RYR2: variants seen among roughly 807,000 people sequenced by gnomAD.
RYR2 encodes the protein cardiac muscle ryanodine receptor-calcium release channel.
Under a neutral mutation model 601.1 loss-of-function variants are expected in RYR2, and 227 were observed. That is an observed-to-expected ratio of 0.38 (90% CI 0.34 to 0.42). The LOEUF is 0.42. Ranked by LOEUF, RYR2 falls within the 10% of genes least tolerant of loss-of-function variation. The pLI, the probability that RYR2 is intolerant of heterozygous loss-of-function variation, is 1.00. For missense variants in RYR2, 4,646 were observed against 6,156.5 expected (o/e 0.75, Z 8.21); for synonymous variants, 2,223 against 2,175.1 (o/e 1.02, Z -0.61).
chr1:237,368,861 T>C (rs536871406), intron 5 of RYR2, among the ~76,000 whole-genome samples: 78 of 152,090 alleles, frequency 5.1e-4, no homozygotes, highest in Admixed American at 2.2e-3. Context: ...TCCTGCTCTG[T>C]TGCCCAGGCT....
intron 74 of RYR2, among the ~76,000 whole-genome samples, chr1:237,723,504 T>C (rs1689924388): frequency 1.3e-5 from 2 of 152,176 alleles, no homozygotes; most frequent in African/African-American, 2.4e-5. Flanking sequence ...TGTTGTCTTT[T>C]TTCAAATATT....
chr1:237,735,864 A>G (rs1018997307), intron 79 of RYR2, among the ~76,000 whole-genome samples: 16 of 152,166 alleles, frequency 1.1e-4, no homozygotes, highest in Non-Finnish European at 1.9e-4. Flanking sequence ...TACAGACACA[A>G]TCACCCATTT....
At position 237,061,261 on chromosome 1, in the gene RYR2, T is replaced by A. The variant is rs920200391; in HGVS notation, c.48+18692T>A. 2.2e-3 allele frequency among the ~76,000 whole-genome samples: 206 copies of A among 92,114 alleles called. 1 individual carries two copies. Among genetic ancestry groups the A allele is most frequent in the Non-Finnish European group, 3.7e-3 (154 of 42,110 alleles). 60.4% of individuals were successfully genotyped at this position (92,114 alleles called of 152,430 possible). On this transcript the variant is annotated intron_variant, in intron 1 of 104. Transcript: ENST00000366574. ...TCTATCTATCTATCTATCATCTATC[T>A]ATCTATCCATCTATCATCTATCTAT...
At chr1:237,389,754 G>T (rs1572102145) in intron 10 of RYR2, among the ~76,000 whole-genome samples, 1 of 152,150 alleles carries the variant, frequency 6.6e-6, no homozygotes, top group South Asian at 2.1e-4. Flanking sequence ...TTAAACTTTG[G>T]TTACAGATGA....
At chr1:237,486,240 C>T (rs1432989238) in intron 17 of RYR2, among the ~76,000 whole-genome samples, 2 of 152,154 alleles carry the variant, frequency 1.3e-5, no homozygotes, top group Non-Finnish European at 2.9e-5. Context: ...GAGACATTCT[C>T]ATTGAAATGT....
At chr1:237,319,323 A>T (rs1343573845) in intron 2 of RYR2, among the ~76,000 whole-genome samples, 1 of 152,136 alleles carries the variant, frequency 6.6e-6, no homozygotes, top group African/African-American at 2.4e-5. Context: ...TCTCAAGACT[A>T]TGTTTTCCCC....
At chr1:237,480,829 G>T (rs1311581790) in intron 17 of RYR2, among the ~76,000 whole-genome samples, 1 of 151,966 alleles carries the variant, frequency 6.6e-6, no homozygotes, top group African/African-American at 2.4e-5. Flanking sequence ...TCTGTATATG[G>T]ATAATGATGT....
chr1:237,098,380 TG>T (rs1667707397), intron 1 of RYR2, among the ~76,000 whole-genome samples: 1 of 46,186 alleles, frequency 2.2e-5, no homozygotes, highest in Admixed American at 2.8e-4. Flanking sequence ...TAGTTGCCAT[TG>T]TGTGTATGTG....
At chr1:237,362,277 C>T (rs1051769790) in intron 4 of RYR2, among the ~76,000 whole-genome samples, 2 of 152,192 alleles carry the variant, frequency 1.3e-5, no homozygotes, top group African/African-American at 2.4e-5. Context: ...ATCCATGCTG[C>T]GTGCCTGTCC....
intron 1 of RYR2, among the ~76,000 whole-genome samples, chr1:237,148,521 A>ATATATTTATAT (rs1417305977): frequency 1.1e-4 from 5 of 44,004 alleles, no homozygotes; most frequent in African/African-American, 3.6e-4. Flanking sequence ...CAAGTAAAAA[A>ATATATTTATAT]AAAAAAATAT....
chr1:237,264,696 AT>A (rs1188337232), intron 1 of RYR2, among the ~76,000 whole-genome samples: 1,476 of 142,258 alleles, frequency 0.01, 27 homozygotes, highest in African/African-American at 0.034. Flanking sequence ...TATTATTATT[AT>A]TATTTTTTTT....
chr1:237,169,030 T>A (rs1159647277), intron 1 of RYR2, among the ~76,000 whole-genome samples: 2 of 152,228 alleles, frequency 1.3e-5, no homozygotes, highest in African/African-American at 4.8e-5. Flanking sequence ...CATCTTTAGA[T>A]CTTCCATAAT....
At chr1:237,451,780 T>G (rs1490510176) in intron 14 of RYR2, among the ~76,000 whole-genome samples, 1 of 152,136 alleles carries the variant, frequency 6.6e-6, no homozygotes, top group Admixed American at 6.6e-5. Context: ...CCCATGTATT[T>G]TTCAGTTATT....
intron 2 of RYR2, among the ~76,000 whole-genome samples, chr1:237,308,067 A>G (rs754388511): frequency 5.5e-5 from 8 of 145,420 alleles, no homozygotes; most frequent in Middle Eastern, 3.7e-3. Context: ...CTGCATTCTC[A>G]TAAAGTCAGG....
rs548027528 is a variant in RYR2 at position 237,477,306 on chromosome 1, G to A, written c.1708+8119G>A. Among the ~76,000 whole-genome samples the A allele has an allele frequency of 3.3e-5, 5 of 152,176 alleles. No individual in the cohort carries two copies. In the East Asian group the frequency reaches 7.7e-4, roughly 24 times the overall value. ...CTCAGGAGGCTGAGGCAGGAGAATC[G>A]CTTGAACCTGGGAGGCAGAGGTTGC... is the stretch of plus-strand genomic sequence containing the variant. On this transcript the variant is annotated intron_variant, in intron 17 of 104. Coordinates refer to ENST00000366574, the MANE Select transcript of RYR2 (RefSeq NM_001035.3).
In RYR2 at chr1:237,633,075, G is replaced by A. The variant is rs77676302; in HGVS notation, c.6556-503G>A. Among the ~76,000 whole-genome samples, 1,417 of 152,208 alleles carry A rather than the reference G, an allele frequency of 9.3e-3. 26 individuals carry two copies. The highest frequency in any genetic ancestry group is 0.033 in the African/African-American group (1,368 of 41,516). On this transcript the variant is annotated intron_variant, in intron 42 of 104. Coordinates refer to ENST00000366574, the MANE Select transcript of RYR2 (RefSeq NM_001035.3). Reference sequence around the variant, plus strand: ...TCATGAGGTGCAAATCAGGGAGGTTGTAAATCCCTGGAATCAGTAATTCTA... The same window carrying A: ...TCATGAGGTGCAAATCAGGGAGGTTATAAATCCCTGGAATCAGTAATTCTA...
At chr1:237,069,764 G>A (rs970634596) in intron 1 of RYR2, among the ~76,000 whole-genome samples, 1 of 152,022 alleles carries the variant, frequency 6.6e-6, no homozygotes. Context: ...AGCTACTCCA[G>A]CTTATTTTTA....
chr1:237,742,213 C>A, intron 79 of RYR2, 83 bp from the exon 80 acceptor site: 1 of 838,794 alleles, frequency 1.2e-6, no homozygotes, highest in Non-Finnish European at 1.9e-6. Context: ...AAATGATTTG[C>A]TCTTCTATGT....
At chr1:237,573,135 T>C (rs1374588643) in intron 29 of RYR2, among the ~76,000 whole-genome samples, 1 of 152,106 alleles carries the variant, frequency 6.6e-6, no homozygotes, top group Non-Finnish European at 1.5e-5. Context: ...TCTCTTCTTA[T>C]TGCTACAGAG....
Sources: allele counts gnomAD v4.1 joint callset (sites outside exome capture counted in the v4.1 genomes callset), GRCh38; gene constraint gnomAD v4.1.1; transcripts MANE v1.5; gene names NCBI Gene and HGNC (gene_info 2026-07-23, HGNC 2026-07-21).